HMBOX1: variants seen among roughly 807,000 people sequenced by gnomAD.
HMBOX1 encodes homeobox-containing protein 1.
Under a neutral mutation model 54.5 loss-of-function variants are expected in HMBOX1, and 14 were observed. That is an observed-to-expected ratio of 0.26 (90% CI 0.17 to 0.40). The LOEUF (loss-of-function observed/expected upper bound fraction) is 0.40, where lower values mean the gene tolerates loss of function less well. Among genes scored for constraint, HMBOX1 ranks in the 10% least tolerant of loss-of-function variants. HMBOX1 has a pLI of 1.00. For missense variants in HMBOX1, 332 were observed against 514.4 expected (o/e 0.65, Z 3.43); for synonymous variants, 160 against 181.0 (o/e 0.88, Z 0.93).
rs569759967 is a variant in HMBOX1, at chr8:29,040,885, CAG to C, written c.852-4475_852-4474del. Among the ~76,000 whole-genome samples the C allele has an allele frequency of 3.1e-3, 475 of 152,142 alleles. 1 individual carries two copies. The highest frequency in any genetic ancestry group is 0.01 in the African/African-American group (432 of 41,544). Reference sequence around the variant, plus strand: ...TAATTAATTTTAAACCTTTTTAACTCAGTACAAAAATTATGTATACCATGAAT... The same window carrying C: ...TAATTAATTTTAAACCTTTTTAACTCTACAAAAATTATGTATACCATGAAT... On this transcript the variant is annotated intron_variant, in intron 6 of 9. Transcript: ENST00000287701.
At chr8:28,988,159 A>G (rs775633661) in intron 4 of HMBOX1, among the ~76,000 whole-genome samples, 3 of 152,232 alleles carry the variant, frequency 2.0e-5, no homozygotes, top group South Asian at 4.1e-4. Context: ...CTAGAATTTC[A>G]TATCAGTGGA....
chr8:28,918,804 C>G (rs1256303417), intron 1 of HMBOX1, among the ~76,000 whole-genome samples: 1 of 152,118 alleles, frequency 6.6e-6, no homozygotes, highest in Non-Finnish European at 1.5e-5. Flanking sequence ...TAGTCATTTT[C>G]TGGAACATGA....
chr8:28,997,328 TG>T (rs1832012901), intron 4 of HMBOX1, among the ~76,000 whole-genome samples: 1 of 152,198 alleles, frequency 6.6e-6, no homozygotes, highest in Admixed American at 6.5e-5. Context: ...TGTTGGATTT[TG>T]TCATGCTTTT....
intron 4 of HMBOX1, among the ~76,000 whole-genome samples, chr8:29,007,182 G>A (rs1266507753): frequency 2.0e-5 from 3 of 151,972 alleles, no homozygotes; most frequent in East Asian, 1.9e-4. Context: ...CCAGCTACTC[G>A]GGAGGCTGAG....
intron 1 of HMBOX1, among the ~76,000 whole-genome samples, chr8:28,895,421 TC>T (rs1369558544): frequency 6.6e-6 from 1 of 152,198 alleles, no homozygotes; most frequent in Non-Finnish European, 1.5e-5. Flanking sequence ...ATGCCTGTCA[TC>T]CCAACACTTT....
intron 1 of HMBOX1, among the ~76,000 whole-genome samples, chr8:28,937,195 A>G (rs187503824): frequency 1.8e-4 from 27 of 152,338 alleles, no homozygotes; most frequent in African/African-American, 5.8e-4. Context: ...GCATTTCTGT[A>G]CAGATGTCCT....
intron 1 of HMBOX1, among the ~76,000 whole-genome samples, chr8:28,960,753 C>CTTTTTTTTTTTTTTTTTTTTT (rs1023356056): frequency 1.5e-5 from 1 of 65,658 alleles, no homozygotes; most frequent in Non-Finnish European, 2.9e-5. Context: ...TTCTCTTTTT[C>CTTTTTTTTTTTTTTTTTTTTT]TTTTTCTTTT....
At chr8:28,942,248 G>C (rs28459111) in intron 1 of HMBOX1, among the ~76,000 whole-genome samples, 4,688 of 152,180 alleles carry the variant, frequency 0.031, 224 homozygotes, top group African/African-American at 0.11. Flanking sequence ...CCCTTCACCC[G>C]CTCTAGGTTC....
intron 6 of HMBOX1, among the ~76,000 whole-genome samples, chr8:29,039,852 G>T (rs969268583): frequency 3.3e-5 from 5 of 152,136 alleles, no homozygotes; most frequent in African/African-American, 1.2e-4. Flanking sequence ...CACTCTGGGG[G>T]ATTAAGATGG....
At position 28,900,310 on chromosome 8, in the gene HMBOX1, C is replaced by A. The variant is rs112175693; in HGVS notation, c.-58+9632C>A. On this transcript the variant is annotated intron_variant, in intron 1 of 9. Coordinates refer to ENST00000287701, the MANE Select transcript of HMBOX1 (RefSeq NM_001135726.3). ...TATATATTTTGTTTCCTGAGTTCTACCCCCAGATTCCTAAAATCTGAGATG... is the reference window on the plus strand; with the variant it reads ...TATATATTTTGTTTCCTGAGTTCTAACCCCAGATTCCTAAAATCTGAGATG... Among the ~76,000 whole-genome samples, 402 of 140,386 alleles carry A rather than the reference C, an allele frequency of 2.9e-3. 4 individuals carry two copies. The highest frequency in any genetic ancestry group is 9.5e-3 in the African/African-American group (367 of 38,784). The allele number at this position is 140,386 out of a possible 152,430, so 92.1% of individuals were successfully genotyped here. A position where few individuals can be genotyped will look rare whatever the true frequency, so the allele number is the denominator to read the frequency against.
At chr8:28,995,855 C>T (rs1036047697) in intron 4 of HMBOX1, among the ~76,000 whole-genome samples, 1 of 152,176 alleles carries the variant, frequency 6.6e-6, no homozygotes, top group Admixed American at 6.5e-5. Context: ...GTAATCCCAG[C>T]ACTTTGGAAG....
intron 5 of HMBOX1, among the ~76,000 whole-genome samples, chr8:29,018,558 G>A (rs573702736): frequency 6.6e-6 from 1 of 152,070 alleles, no homozygotes; most frequent in African/African-American, 2.4e-5. Flanking sequence ...GTTAGTAAAA[G>A]ATTCTGAACA....
chr8:28,994,969 T>C (rs574831183), intron 4 of HMBOX1, among the ~76,000 whole-genome samples: 3 of 152,300 alleles, frequency 2.0e-5, no homozygotes, highest in African/African-American at 7.2e-5. Flanking sequence ...ACTGGTCCAC[T>C]TCTGTCCATC....
intron 6 of HMBOX1, among the ~76,000 whole-genome samples, chr8:29,029,713 G>A (rs151067505): frequency 2.0e-5 from 3 of 152,136 alleles, no homozygotes; most frequent in Non-Finnish European, 1.5e-5. Flanking sequence ...TTACGGTTAC[G>A]GGAACCGTAA....
chr8:28,908,050 G>A (rs528354751), intron 1 of HMBOX1, among the ~76,000 whole-genome samples: 23 of 151,850 alleles, frequency 1.5e-4, no homozygotes, highest in Non-Finnish European at 2.8e-4. Context: ...ATGAGATTTC[G>A]CCATGTTGCC....
chr8:28,970,526 G>T lies in HMBOX1; in HGVS notation c.500+7G>T. 1 of 1,543,624 alleles carries T rather than the reference G, an allele frequency of 6.5e-7. No homozygotes were observed. The highest frequency in any genetic ancestry group is 1.2e-5 in the South Asian group (1 of 84,260). On this transcript the variant is annotated splice_region_variant and intron_variant, in intron 3 of 9. Coordinates refer to ENST00000287701, the MANE Select transcript of HMBOX1 (RefSeq NM_001135726.3). This position sits in a 1 kb window ranked among gnomAD's most constrained non-coding sequence, Gnocchi z 4.3. Reference sequence around the variant, plus strand: ...AAGTGGAAGAATTAATGAGGTTAGTGACTTTGCTTATTCAGAGTCCCTAAA... The same window carrying T: ...AAGTGGAAGAATTAATGAGGTTAGTTACTTTGCTTATTCAGAGTCCCTAAA...
intron 1 of HMBOX1, among the ~76,000 whole-genome samples, chr8:28,900,271 A>AAAATATATATATATATAT (rs747317282): frequency 7.1e-5 from 5 of 70,328 alleles, no homozygotes; most frequent in Admixed American, 2.2e-4. Context: ...AAAAAAAAAA[A>AAAATATATATATATATAT]ATATATATAT....
chr8:29,004,216 T>G (rs1263723434), intron 4 of HMBOX1, among the ~76,000 whole-genome samples: 1 of 152,208 alleles, frequency 6.6e-6, no homozygotes, highest in Non-Finnish European at 1.5e-5. Flanking sequence ...AAGAATGGTC[T>G]GGTACCCTGG....
intron 6 of HMBOX1, 150 bp from the exon 7 acceptor site, chr8:29,045,210 AT>A (rs1805395978): frequency 1.5e-6 from 1 of 652,828 alleles, no homozygotes; most frequent in Non-Finnish European, 2.7e-6. Context: ...AGCATAAAAG[AT>A]TCTACTCTCA....
Sources: gnomAD v4.1 joint callset for allele counts (sites outside exome capture counted in the v4.1 genomes callset) on GRCh38, gnomAD v4.1.1 for gene constraint, Gnocchi (gnomAD v3.1) non-coding constraint, MANE v1.5 for transcripts, NCBI Gene and HGNC (gene_info 2026-07-23, HGNC 2026-07-21) for gene names.